STAC: variants seen among roughly 807,000 people sequenced by gnomAD.
STAC encodes SH3 and cysteine rich domain.
STAC carries 43 observed loss-of-function variants against 48.8 expected under a neutral mutation model. The ratio of observed to expected loss-of-function variants is 0.88; its 90% CI spans 0.69 to 1.14. STAC has a LOEUF of 1.14. STAC is among the 50% of genes most tolerant of loss of function. The probability of loss-of-function intolerance (pLI) is 0.00; values close to 1 mark genes in which losing one functional copy is unlikely to be tolerated. For synonymous variants in STAC, 193 were observed against 179.5 expected (o/e 1.07, Z -0.60); for missense variants, 497 against 504.0 (o/e 0.99, Z 0.13).
rs1046558746 is a variant in STAC at position 36,484,235 on chromosome 3, T to G, written c.490-742T>G. On this transcript the variant is annotated intron_variant, in intron 3 of 10. Transcript: ENST00000273183. Reference sequence around the variant, plus strand: ...ATGCTCCTTCACCCCCTCCCATCACTGACAGTGTAACGACAAGGGACACCA... The same window carrying G: ...ATGCTCCTTCACCCCCTCCCATCACGGACAGTGTAACGACAAGGGACACCA... 2.6e-5 allele frequency among the ~76,000 whole-genome samples: 4 copies of G among 152,172 alleles called. No homozygotes were observed. The South Asian group carries it at 8.3e-4, about 31-fold the overall frequency.
chr3:36,394,880 CAA>C (rs144495707), intron 1 of STAC, among the ~76,000 whole-genome samples: 6 of 126,454 alleles, frequency 4.7e-5, no homozygotes, highest in Non-Finnish European at 6.7e-5. Flanking sequence ...AAAATTCTGT[CAA>C]AAAAAAAAAA....
At chr3:36,544,447 G>C (rs1399115634) in intron 10 of STAC, among the ~76,000 whole-genome samples, 1 of 152,082 alleles carries the variant, frequency 6.6e-6, no homozygotes, top group East Asian at 1.9e-4. Context: ...TGGGATTACA[G>C]GCATGAGCCA....
chr3:36,516,228 C>T (rs148133898), intron 8 of STAC, among the ~76,000 whole-genome samples: 6 of 152,086 alleles, frequency 3.9e-5, no homozygotes, highest in South Asian at 4.2e-4. Flanking sequence ...GTGATCCTCC[C>T]GTCTCAGCCT....
intron 1 of STAC, among the ~76,000 whole-genome samples, chr3:36,404,939 G>T (rs1287805568): frequency 1.3e-5 from 2 of 152,000 alleles, no homozygotes; most frequent in Non-Finnish European, 2.9e-5. Flanking sequence ...TATTAGGTTG[G>T]TGCAAAAGTA....
intron 1 of STAC, among the ~76,000 whole-genome samples, chr3:36,419,959 A>T (rs1290858850): frequency 1.3e-5 from 2 of 152,126 alleles, no homozygotes; most frequent in Non-Finnish European, 2.9e-5. Flanking sequence ...ATTTCTGGAG[A>T]TTATCATACT....
chr3:36,468,472 C>G (rs1697235841), intron 2 of STAC, among the ~76,000 whole-genome samples: 1 of 151,704 alleles, frequency 6.6e-6, no homozygotes, highest in African/African-American at 2.4e-5. Context: ...GTCTTAATGG[C>G]CTGTCTAGTG....
intron 10 of STAC, among the ~76,000 whole-genome samples, chr3:36,535,620 C>T (rs1435733447): frequency 2.0e-5 from 3 of 152,086 alleles, no homozygotes; most frequent in African/African-American, 4.8e-5. Context: ...ATAAATGGCT[C>T]TTATTATTTT....
intron 1 of STAC, among the ~76,000 whole-genome samples, chr3:36,397,962 A>G (rs534524258): frequency 4.5e-4 from 69 of 151,816 alleles, no homozygotes; most frequent in African/African-American, 1.6e-3. Context: ...AGTGTTGATG[A>G]TGGGAGATAT....
At chr3:36,535,940 G>A (rs1699187985) in intron 10 of STAC, among the ~76,000 whole-genome samples, 1 of 151,986 alleles carries the variant, frequency 6.6e-6, no homozygotes, top group Admixed American at 6.6e-5. Context: ...TTTTTTTGTT[G>A]TGTCTCTGCC....
In STAC at chr3:36,436,502, C is replaced by T. The variant is rs545654217; in HGVS notation, c.112-6862C>T. ...ATCGTTCTTAACCAGACGCACCGAC[C>T]TCCCAGTGCTTCTCAGATACCCTGC... is the stretch of plus-strand genomic sequence containing the variant. On this transcript the variant is annotated intron_variant, in intron 1 of 10. Transcript: ENST00000273183. 5.3e-5 allele frequency among the ~76,000 whole-genome samples: 8 copies of T among 152,312 alleles called. No homozygotes were observed. The South Asian group carries it at 1.7e-3, about 32-fold the overall frequency.
chr3:36,491,531 C>A (rs1697966407), intron 5 of STAC, among the ~76,000 whole-genome samples: 1 of 151,932 alleles, frequency 6.6e-6, no homozygotes, highest in Non-Finnish European at 1.5e-5. Context: ...GACTTAGAGA[C>A]CCTGTGACTT....
In STAC at chr3:36,546,182, G is replaced by A; in HGVS notation, c.1111-9G>A. ...AAGTATTTTGTTTTTTTTCTTCCTT[G>A]GCATTCAGATCTGCGTGAGTTCTGA... On this transcript the variant is annotated splice_polypyrimidine_tract_variant and intron_variant, in intron 10 of 10. Transcript: ENST00000273183. The A allele has an allele frequency of 1.9e-6, 3 of 1,607,152 alleles. No individual in the cohort carries two copies. Among genetic ancestry groups the A allele is most frequent in the Non-Finnish European group, 2.5e-6 (3 of 1,176,512 alleles).
rs949037625 is a variant in STAC at position 36,485,632 on chromosome 3, T to G, written c.572-502T>G. 3 of 152,746 alleles carry G rather than the reference T, an allele frequency of 2.0e-5. No homozygotes were observed. The East Asian group carries it at 5.8e-4, about 29-fold the overall frequency. 9.5% of individuals were successfully genotyped at this position (152,746 alleles called of 1,614,324 possible). ...GTTTACTTCTATTATTTTTTTTCTC[T>G]CTCTGAAAATCTCGACATCTATTTT... On this transcript the variant is annotated intron_variant, in intron 4 of 10. Transcript: ENST00000273183.
At chr3:36,404,752 A>AATAG (rs10681235) in intron 1 of STAC, among the ~76,000 whole-genome samples, 36,844 of 151,860 alleles carry the variant, frequency 0.24, 4,694 homozygotes, top group East Asian at 0.42. Context: ...AAAATTGGTA[A>AATAG]ATAGATGATA....
At chr3:36,446,920 TA>T (rs1696523105) in intron 2 of STAC, among the ~76,000 whole-genome samples, 3 of 152,202 alleles carry the variant, frequency 2.0e-5, no homozygotes, top group Admixed American at 2.0e-4. Flanking sequence ...TTCACTTCCA[TA>T]ACGGCATCCA....
intron 1 of STAC, among the ~76,000 whole-genome samples, chr3:36,388,355 A>G (rs1699668593): frequency 6.6e-6 from 1 of 151,736 alleles, no homozygotes; most frequent in Non-Finnish European, 1.5e-5. Flanking sequence ...TTCATTTCCT[A>G]TTGGTTTTAA....
chr3:36,540,552 G>A (rs1030065678), intron 10 of STAC, among the ~76,000 whole-genome samples: 3 of 152,122 alleles, frequency 2.0e-5, no homozygotes, highest in African/African-American at 7.2e-5. Context: ...GTCAAAGAGA[G>A]ATAAAGTATG....
chr3:36,475,618 G>A (rs1444776665), intron 2 of STAC, among the ~76,000 whole-genome samples: 1 of 152,186 alleles, frequency 6.6e-6, no homozygotes, highest in African/African-American at 2.4e-5. Flanking sequence ...ATTCACAGAG[G>A]CTGTCGTGGG....
At chr3:36,452,947 C>T (rs1162309328) in intron 2 of STAC, among the ~76,000 whole-genome samples, 1 of 152,202 alleles carries the variant, frequency 6.6e-6, no homozygotes, top group African/African-American at 2.4e-5. Context: ...CTCTCCCTGG[C>T]CTTCCAAGGC....
Sources: gnomAD v4.1 joint callset for allele counts (sites outside exome capture counted in the v4.1 genomes callset) on GRCh38, gnomAD v4.1.1 for gene constraint, MANE v1.5 for transcripts, NCBI Gene and HGNC (gene_info 2026-07-23, HGNC 2026-07-21) for gene names.